CELSR3: variants seen among roughly 807,000 people sequenced by gnomAD.
CELSR3 encodes cadherin EGF LAG seven-pass G-type receptor 3.
CELSR3 carries 73 observed loss-of-function variants against 270.0 expected under a neutral mutation model. The observed-to-expected ratio is 0.27, with a 90% CI of 0.22 to 0.33. The LOEUF is 0.33. Among genes scored for constraint, CELSR3 ranks in the 10% least tolerant of loss-of-function variants. The probability of loss-of-function intolerance (pLI) is 1.00; values close to 1 mark genes in which losing one functional copy is unlikely to be tolerated. For missense variants in CELSR3, 3,614 were observed against 4,533.8 expected (o/e 0.80, Z 5.83); for synonymous variants, 1,780 against 1,905.4 (o/e 0.93, Z 1.71).
chr3:48,662,265 C>T lies in CELSR3; in HGVS notation c.370G>A (p.Glu124Lys). The change falls in exon 1 of 35, where the codon GAG (glutamate) becomes AAG (lysine). Residue 124 changes from glutamate (E) to lysine (K), a missense_variant. Transcript: ENST00000164024. This position sits in a 1 kb window ranked among gnomAD's most constrained non-coding sequence, Gnocchi z 7.1. Reference sequence around the variant, plus strand: ...ACAGACCCTGGTCCCTGTCCTGTCTCTCGTTCGCGGCTGCCCAATGGCTGG... The same window carrying T: ...ACAGACCCTGGTCCCTGTCCTGTCTTTCGTTCGCGGCTGCCCAATGGCTGG... ...GVQPLGSRER[E>K]TGQGPGSVLY... is the part of the protein sequence containing the mutation. 1 of 1,613,124 alleles carries T rather than the reference C, an allele frequency of 6.2e-7. No homozygotes were observed. Among genetic ancestry groups the T allele is most frequent in the Non-Finnish European group, 8.5e-7 (1 of 1,180,028 alleles).
chr3:48,648,105 G>A, intron 19 of CELSR3, 109 bp from the exon 20 acceptor site: 1 of 1,481,126 alleles, frequency 6.8e-7, no homozygotes, highest in Non-Finnish European at 9.2e-7. Flanking sequence ...TCTGTTTTCT[G>A]TGCTACCAGC....
At position 48,652,500 on chromosome 3, in the gene CELSR3, G is replaced by A. The variant is rs776277675; in HGVS notation, c.5688C>T (p.His1896=). ...CACTGCCGGGGGGCAGGCCTCCCACGTGGAGCTGCTTTACCTTCAGGCCCT... is the reference window on the plus strand; with the variant it reads ...CACTGCCGGGGGGCAGGCCTCCCACATGGAGCTGCTTTACCTTCAGGCCCT... The part of the protein sequence containing the change: ...ELQGLKVKQL[H]VGGLPPGSAE... Residue 1896 remains histidine, a synonymous_variant, in exon 11 of 35, where the codon CAC becomes CAT. Transcript: ENST00000164024. This position sits in a 1 kb window ranked among gnomAD's most constrained non-coding sequence, Gnocchi z 4.3. The A allele has an allele frequency of 6.8e-6, 11 of 1,613,468 alleles. No homozygotes were observed. Among genetic ancestry groups the A allele is most frequent in the Admixed American group, 5.0e-5 (3 of 59,970 alleles).
chr3:48,654,024 G>A lies in CELSR3; in HGVS notation c.5153-21C>T. On this transcript the variant is annotated intron_variant, in intron 7 of 34. Transcript: ENST00000164024. The surrounding 1 kb of genome is among the most constrained non-coding windows in gnomAD (Gnocchi z 5.4). Reference sequence around the variant, plus strand: ...GCAGCCTGGGAGAGGAAAGCACATGGCGGACATGAGAACAAGGGTTGGGGG... The same window carrying A: ...GCAGCCTGGGAGAGGAAAGCACATGACGGACATGAGAACAAGGGTTGGGGG... The A allele has an allele frequency of 6.2e-7, 1 of 1,609,884 alleles. No individual in the cohort carries two copies. The highest frequency in any genetic ancestry group is 8.5e-7 in the Non-Finnish European group (1 of 1,177,550).
In CELSR3 at chr3:48,662,017, C is replaced by T. The variant is rs1251634227; in HGVS notation, c.618G>A (p.Gly206=). 3 of 1,613,990 alleles carry T rather than the reference C, an allele frequency of 1.9e-6. No individual in the cohort carries two copies. Among genetic ancestry groups the T allele is most frequent in the African/African-American group, 2.7e-5 (2 of 74,928 alleles). The part of the protein sequence containing the change: ...RKRVGTARCC[G]ELWATGSKGQ... ...CCTTGCTCCCTGTTGCCCATAATTC[C>T]CCACAGCAGCGCGCGGTGCCCACTC... Residue 206 remains glycine (G), a synonymous_variant, in exon 1 of 35, where the codon GGG becomes GGA. Coordinates refer to ENST00000164024, the MANE Select transcript of CELSR3 (RefSeq NM_001407.3). This position sits in a 1 kb window ranked among gnomAD's most constrained non-coding sequence, Gnocchi z 7.1.
At chr3:48,643,814 TGGA>T (rs2047052527) in intron 27 of CELSR3, 137 bp from the exon 28 acceptor site, 9 of 990,500 alleles carry the variant, frequency 9.1e-6, no homozygotes, top group Non-Finnish European at 1.3e-5. Context: ...TGGAGGTCTC[TGGA>T]GGACACTGGG....
In CELSR3 at chr3:48,662,123, A is replaced by C. The variant is rs2077071986; in HGVS notation, c.512T>G (p.Leu171Arg). Residue 171 changes from leucine (L) to arginine (R), a missense_variant, in exon 1 of 35, where the codon CTC (leucine) becomes CGC (arginine). Physicochemically the swap from Leu to Arg is moderately radical, Grantham distance 102 (BLOSUM62 -2). Coordinates refer to ENST00000164024, the MANE Select transcript of CELSR3 (RefSeq NM_001407.3). This position sits in a 1 kb window ranked among gnomAD's most constrained non-coding sequence, Gnocchi z 7.1. Reference protein sequence around the residue: ...GVPGSGNSSPLPSDFLIRHHG... With the variant: ...GVPGSGNSSPRPSDFLIRHHG... ...GTGCCGAATCAAAAAGTCTGAAGGGAGGGGCGAGCTGTTCCCCGAGCCCGG... is the reference window on the plus strand; with the variant it reads ...GTGCCGAATCAAAAAGTCTGAAGGGCGGGGCGAGCTGTTCCCCGAGCCCGG... 6.2e-7 allele frequency: 1 copy of C among 1,613,276 alleles called. No individual in the cohort carries two copies. Among genetic ancestry groups the C allele is most frequent in the African/African-American group, 1.3e-5 (1 of 74,866 alleles).
chr3:48,638,688 G>A (rs1445029134), intron 34 of CELSR3, among the ~76,000 whole-genome samples: 8 of 148,054 alleles, frequency 5.4e-5, no homozygotes, highest in Non-Finnish European at 1.0e-4. Context: ...TCAGTCCCTA[G>A]TCTACCTCCC....
At position 48,661,244 on chromosome 3, in the gene CELSR3, G is replaced by A. The variant is rs138120555; in HGVS notation, c.1391C>T (p.Pro464Leu). The A allele has an allele frequency of 7.5e-6, 12 of 1,608,520 alleles. No individual in the cohort carries two copies. The highest frequency in any genetic ancestry group is 1.1e-5 in the South Asian group (1 of 90,862). ...GAAGCGGTAGCGCAGGTTGGCGTTG[G>A]GGGGCGCGTCGCCGTCAGTGGCACG... Reference protein sequence around the residue: ...QLRATDGDAPPNANLRYRFVG... With the variant: ...QLRATDGDAPLNANLRYRFVG... Residue 464 changes from proline (P) to leucine (L), a missense_variant, in exon 1 of 35, where the codon CCC becomes CTC. Pro to Leu is a moderately conservative substitution (Grantham distance 98). Coordinates refer to ENST00000164024, the MANE Select transcript of CELSR3 (RefSeq NM_001407.3).
chr3:48,660,920 C>T lies in CELSR3; in HGVS notation c.1715G>A (p.Arg572Gln), dbSNP rs754895348. ...TVVLRVTATD[R>Q]DKDANGLVHY... ...CACCAATCCGTTGGCGTCCTTGTCCCGGTCAGTGGCCGTGACGCGCAGCAC... is the reference window on the plus strand; with the variant it reads ...CACCAATCCGTTGGCGTCCTTGTCCTGGTCAGTGGCCGTGACGCGCAGCAC... The change falls in exon 1 of 35, where the codon CGG becomes CAG. Residue 572 changes from arginine to glutamine, a missense_variant. Arg to Gln is a conservative substitution (Grantham distance 43, BLOSUM62 1). Around this residue, in one of 7 missense-constraint regions of CELSR3, gnomAD observed 354 missense variants for 500.9 expected, o/e 0.71. Transcript: ENST00000164024. The surrounding 1 kb of genome is among the most constrained non-coding windows in gnomAD (Gnocchi z 5.5). 2.5e-6 allele frequency: 4 copies of T among 1,613,810 alleles called. No homozygotes were observed. The highest frequency in any genetic ancestry group is 2.2e-5 in the East Asian group (1 of 44,904).
In CELSR3 at chr3:48,650,534, G is replaced by A. The variant is rs1410192417; in HGVS notation, c.6418C>T (p.Pro2140Ser). The A allele has an allele frequency of 1.2e-6, 2 of 1,607,626 alleles. No homozygotes were observed. Among genetic ancestry groups the A allele is most frequent in the South Asian group, 1.1e-5 (1 of 90,410 alleles). Residue 2140 changes from proline (P) to serine (S), a missense_variant, in exon 16 of 35, where the codon CCC becomes TCC. Pro to Ser is a moderately conservative substitution (Grantham distance 74). Around this residue, in one of 7 missense-constraint regions of CELSR3, gnomAD observed 1,331 missense variants for 1,933.7 expected, o/e 0.69. Transcript: ENST00000164024. The surrounding 1 kb of genome is among the most constrained non-coding windows in gnomAD (Gnocchi z 5.1). ...PKSLRSGVWW[P>S]QTKFGVLATV... is the part of the protein sequence containing the mutation. ...GCCAGGACGCCAAACTTTGTCTGGG[G>A]CCACCACACACCAGATCTCAGGGAC...
rs548220377 is a variant in CELSR3, at chr3:48,661,324, C to T, written c.1311G>A (p.Gln437=). 3 of 1,613,416 alleles carry T rather than the reference C, an allele frequency of 1.9e-6. No individual in the cohort carries two copies. Among genetic ancestry groups the T allele is most frequent in the East Asian group, 4.5e-5 (2 of 44,872 alleles). ...NDHSPVFEQA[Q]YRETLRENVE... is the part of the protein sequence containing the mutation. ...CATTCTCGCGAAGGGTCTCCCGGTA[C>T]TGCGCTTGCTCAAAAACCGGCGAGT... Residue 437 remains glutamine (Q), a synonymous_variant, in exon 1 of 35, where the codon CAG becomes CAA. Coordinates refer to ENST00000164024, the MANE Select transcript of CELSR3 (RefSeq NM_001407.3).
Position 48,641,624 on chromosome 3 carries a change from G to T in CELSR3, c.8825-100C>A. ...TTGAAACCCTGGCTGTTCTCATTGA[G>T]CAGAGGTGGGAACAGGAGGGTATCT... On this transcript the variant is annotated intron_variant, in intron 32 of 34. Transcript: ENST00000164024. The surrounding 1 kb of genome is among the most constrained non-coding windows in gnomAD (Gnocchi z 4.8). 1 of 959,798 alleles carries T rather than the reference G, an allele frequency of 1.0e-6. No individual in the cohort carries two copies. Among genetic ancestry groups the T allele is most frequent in the Non-Finnish European group, 1.6e-6 (1 of 630,744 alleles). 59.5% of individuals were successfully genotyped at this position (959,798 alleles called of 1,614,324 possible).
At position 48,642,158 on chromosome 3, in the gene CELSR3, C is replaced by T; in HGVS notation, c.8666-149G>A. ...TGAAGTGGAGGTAGCAGCAGAAGGG[C>T]TGGGACTTATCAGAGGGAAGGACGA... On this transcript the variant is annotated intron_variant, in intron 31 of 34. Transcript: ENST00000164024. The surrounding 1 kb of genome is among the most constrained non-coding windows in gnomAD (Gnocchi z 6.1). The T allele has an allele frequency of 3.4e-6, 3 of 890,456 alleles. No homozygotes were observed. The highest frequency in any genetic ancestry group is 3.3e-6 in the Non-Finnish European group (2 of 599,344). 55.2% of individuals were successfully genotyped at this position (890,456 alleles called of 1,614,324 possible).
At position 48,653,597 on chromosome 3, in the gene CELSR3, G is replaced by A. The variant is rs1365830628; in HGVS notation, c.5448+22C>T. ...TAAGAGACTGAGAACTGAGGGTATA[G>A]GGGTGAGCAGGGTGGACACACCTGG... On this transcript the variant is annotated intron_variant, in intron 9 of 34. Transcript: ENST00000164024. This position sits in a 1 kb window ranked among gnomAD's most constrained non-coding sequence, Gnocchi z 6.5. 1.9e-6 allele frequency: 3 copies of A among 1,611,088 alleles called. No individual in the cohort carries two copies. The highest frequency in any genetic ancestry group is 2.5e-6 in the Non-Finnish European group (3 of 1,178,130).
rs1391258774 is a variant in CELSR3 at position 48,644,948 on chromosome 3, T to C, written c.7972+87A>G. 6.5e-7 allele frequency: 1 copy of C among 1,532,018 alleles called. No individual in the cohort carries two copies. The highest frequency in any genetic ancestry group is 1.8e-4 in the Middle Eastern group (1 of 5,610). 94.9% of individuals were successfully genotyped at this position (1,532,018 alleles called of 1,614,324 possible). On this transcript the variant is annotated intron_variant, in intron 25 of 34. Coordinates refer to ENST00000164024, the MANE Select transcript of CELSR3 (RefSeq NM_001407.3). This position sits in a 1 kb window ranked among gnomAD's most constrained non-coding sequence, Gnocchi z 4.8. Reference sequence around the variant, plus strand: ...ACCCCATGAATAGATGGCTTGGGGTTTGAGGTTGGGGGTCATGAGCAGGAG... The same window carrying C: ...ACCCCATGAATAGATGGCTTGGGGTCTGAGGTTGGGGGTCATGAGCAGGAG...
chr3:48,639,334 C>T lies in CELSR3; in HGVS notation c.9911+340G>A, dbSNP rs371441501. Among the ~76,000 whole-genome samples, 49 of 152,332 alleles carry T rather than the reference C, an allele frequency of 3.2e-4. No individual in the cohort carries two copies. Among genetic ancestry groups the T allele is most frequent in the African/African-American group, 1.2e-3 (48 of 41,570 alleles). On this transcript the variant is annotated intron_variant, in intron 34 of 34. Transcript: ENST00000164024. The surrounding 1 kb of genome is among the most constrained non-coding windows in gnomAD (Gnocchi z 4.1). ...AAGGCCTCCTGCTCTCCTCCCTGCC[C>T]CTTGCATATTCCAGGTCATCTCCCA...
rs145148789 is a variant in CELSR3, at chr3:48,660,390, C to T, written c.2245G>A (p.Val749Ile). 4.4e-5 allele frequency: 71 copies of T among 1,614,006 alleles called. No individual in the cohort carries two copies. Among genetic ancestry groups the T allele is most frequent in the African/African-American group, 1.2e-4 (9 of 74,886 alleles). Residue 749 changes from valine (V) to isoleucine (I), a missense_variant, in exon 1 of 35, where the codon GTT becomes ATT. Transcript: ENST00000164024. This position sits in a 1 kb window ranked among gnomAD's most constrained non-coding sequence, Gnocchi z 5.5. ...SASVTVTVLD[V>I]NDNRPEFTMK... ...GTGAACTCAGGCCGATTGTCATTAA[C>T]GTCCAGCACAGTCACGGTGACACTG...
chr3:48,645,039 C>A lies in CELSR3; in HGVS notation c.7968G>T (p.Leu2656=). Residue 2656 remains leucine, a synonymous_variant, in exon 25 of 35, where the codon CTG becomes CTT. Transcript: ENST00000164024. The surrounding 1 kb of genome is among the most constrained non-coding windows in gnomAD (Gnocchi z 5.4). ...HALGWGVPAV[L]LGLAVGLDPE... is the part of the protein sequence containing the mutation. ...GTTGGGGGTCACAGCCCTCACCCAGCAGCACAGCAGGGACGCCCCAGCCCA... is the reference window on the plus strand; with the variant it reads ...GTTGGGGGTCACAGCCCTCACCCAGAAGCACAGCAGGGACGCCCCAGCCCA... 6.3e-7 allele frequency: 1 copy of A among 1,576,912 alleles called. No individual in the cohort carries two copies. The highest frequency in any genetic ancestry group is 1.1e-5 in the South Asian group (1 of 87,356).
At position 48,660,221 on chromosome 3, in the gene CELSR3, C is replaced by G. The variant is rs3821875; in HGVS notation, c.2414G>C (p.Ser805Thr). The G allele has an allele frequency of 0.11, 174,731 of 1,613,938 alleles. 9,656 individuals carry two copies. Among genetic ancestry groups the G allele is most frequent in the African/African-American group, 0.13 (9,931 of 74,936 alleles). ...GGNTRNRFAI[S>T]TQGGVGLVTL... ...CACCAGACCCACACCCCCCTGGGTG[C>G]TGATGGCAAAGCGATTCCGGGTGTT... is the stretch of plus-strand genomic sequence containing the variant. The change falls in exon 1 of 35, where the codon AGC (serine) becomes ACC (threonine). Residue 805 changes from serine to threonine, a missense_variant. Around this residue, in one of 7 missense-constraint regions of CELSR3, gnomAD observed 215 missense variants for 241.2 expected, o/e 0.89. Coordinates refer to ENST00000164024, the MANE Select transcript of CELSR3 (RefSeq NM_001407.3). The surrounding 1 kb of genome is among the most constrained non-coding windows in gnomAD (Gnocchi z 5.5).
Sources: gnomAD v4.1 joint callset for allele counts (sites outside exome capture counted in the v4.1 genomes callset) on GRCh38, gnomAD v4.1.1 for gene constraint, gnomAD v4.1.1 regional missense constraint, Gnocchi (gnomAD v3.1) non-coding constraint, MANE v1.5 for transcripts, NCBI Gene and HGNC (gene_info 2026-07-23, HGNC 2026-07-21) for gene names.